Variants in UBR3 observed in about 807,000 individuals in gnomAD.
UBR3 encodes ubiquitin protein ligase E3 component n-recognin 3.
Under a neutral mutation model 243.2 loss-of-function variants are expected in UBR3, and 85 were observed. That is an observed-to-expected ratio of 0.35 (90% CI 0.29 to 0.42). The LOEUF is 0.42. UBR3 is among the 10% of genes least tolerant of loss of function. The pLI is 1.00. For synonymous variants in UBR3, 748 were observed against 799.8 expected, an observed-to-expected ratio of 0.94 and a Z score of 1.09; for missense variants, 1,686 against 2,300.8, an observed-to-expected ratio of 0.73 and a Z score of 5.47.
intron 11 of UBR3, among the ~76,000 whole-genome samples, chr2:169,914,438 G>A (rs2085374457): frequency 6.6e-6 from 1 of 152,064 alleles, no homozygotes; most frequent in African/African-American, 2.4e-5. Context: ...TATTTCTCAG[G>A]GTGAAATAGT....
chr2:169,889,235 T>C (rs918821460), intron 5 of UBR3, among the ~76,000 whole-genome samples: 1 of 152,214 alleles, frequency 6.6e-6, no homozygotes, highest in Admixed American at 6.5e-5. Flanking sequence ...CTGTATTCTC[T>C]TCTTGGCATG....
intron 19 of UBR3, among the ~76,000 whole-genome samples, chr2:169,937,717 T>TC (rs1283295524): frequency 1.3e-5 from 2 of 152,180 alleles, no homozygotes; most frequent in Non-Finnish European, 2.9e-5. Context: ...TTAGAGGCAT[T>TC]CCCCAGATGT....
At chr2:170,043,073 G>A (rs945488855) in intron 32 of UBR3, among the ~76,000 whole-genome samples, 10 of 151,906 alleles carry the variant, frequency 6.6e-5, no homozygotes, top group South Asian at 2.1e-4. Context: ...GTAGTATTAC[G>A]TTTTGAAATA....
chr2:170,045,735 T>A (rs2091068277), intron 32 of UBR3, among the ~76,000 whole-genome samples: 1 of 152,148 alleles, frequency 6.6e-6, no homozygotes, highest in South Asian at 2.1e-4. Flanking sequence ...CCAGTCTTGT[T>A]TCATTTATAC....
chr2:170,046,559 T>C (rs1388051333), intron 32 of UBR3, among the ~76,000 whole-genome samples: 1 of 152,216 alleles, frequency 6.6e-6, no homozygotes, highest in East Asian at 1.9e-4. Flanking sequence ...TATTTCTTTT[T>C]ACAAAAATAC....
In UBR3 at chr2:169,827,750, C is replaced by T. The variant is rs921135234; in HGVS notation, c.243C>T (p.Gly81=). Reference sequence around the variant, plus strand: ...ACGCGGCGGCGGCCGGAGGCGGGGGCGGTCCGGGGGCGGCCGAGGAGGAGG... The same window carrying T: ...ACGCGGCGGCGGCCGGAGGCGGGGGTGGTCCGGGGGCGGCCGAGGAGGAGG... ...GEDAAAAGGG[G]GPGAAEEEAL... Residue 81 remains glycine (G), a synonymous_variant, in exon 1 of 39, where the codon GGC becomes GGT. Coordinates refer to ENST00000272793, the MANE Select transcript of UBR3 (RefSeq NM_172070.4). The T allele has an allele frequency of 7.9e-5, 99 of 1,246,714 alleles. No individual in the cohort carries two copies. The highest frequency in any genetic ancestry group is 9.6e-5 in the Non-Finnish European group (96 of 997,718). 77.2% of individuals were successfully genotyped at this position (1,246,714 alleles called of 1,614,324 possible).
At chr2:169,881,877 A>AC (rs1375135334) in intron 5 of UBR3, among the ~76,000 whole-genome samples, 2 of 133,840 alleles carry the variant, frequency 1.5e-5, no homozygotes, top group Admixed American at 1.6e-4. Context: ...GTATACATAT[A>AC]GGTATATGTG....
intron 11 of UBR3, among the ~76,000 whole-genome samples, chr2:169,919,749 A>G (rs1258025668): frequency 3.3e-5 from 5 of 152,184 alleles, no homozygotes; most frequent in Non-Finnish European, 7.4e-5. Context: ...GCAAATCAAA[A>G]CCACAATTAG....
chr2:169,964,559 G>C, intron 24 of UBR3: 2 of 418,488 alleles, frequency 4.8e-6, no homozygotes, highest in South Asian at 3.7e-5. Context: ...CTGGCTTTAA[G>C]GGAAATGGGA....
intron 35 of UBR3, among the ~76,000 whole-genome samples, chr2:170,067,248 A>G (rs1280390612): frequency 6.6e-6 from 1 of 152,166 alleles, no homozygotes; most frequent in African/African-American, 2.4e-5. Context: ...TACCATTGGC[A>G]GTTCCCATCT....
chr2:169,963,495 T>G (rs2105370742), intron 24 of UBR3, among the ~76,000 whole-genome samples: 1 of 152,284 alleles, frequency 6.6e-6, no homozygotes, highest in East Asian at 1.9e-4. Context: ...TTCTTCATTT[T>G]TTTTTCTATC....
chr2:169,875,737 A>C, intron 2 of UBR3, 54 bp from the exon 3 acceptor site: 1 of 1,384,642 alleles, frequency 7.2e-7, no homozygotes, highest in Admixed American at 2.9e-5. Flanking sequence ...ATTTTTAGTA[A>C]GATATTTTAA....
At chr2:169,837,074 A>C (rs2105280757) in intron 1 of UBR3, among the ~76,000 whole-genome samples, 1 of 152,322 alleles carries the variant, frequency 6.6e-6, no homozygotes, top group South Asian at 2.1e-4. Context: ...TTTTCTACTG[A>C]AAGATTTAAG....
chr2:169,922,278 CCTGT>C (rs1236752275), intron 11 of UBR3, among the ~76,000 whole-genome samples: 17 of 148,088 alleles, frequency 1.1e-4, no homozygotes, highest in Admixed American at 5.4e-4. Flanking sequence ...AGAGTGAGAC[CCTGT>C]CTATTTAAAA....
intron 1 of UBR3, among the ~76,000 whole-genome samples, chr2:169,848,905 A>G (rs2082571423): frequency 6.6e-6 from 1 of 152,194 alleles, no homozygotes; most frequent in South Asian, 2.1e-4. Flanking sequence ...AAAGACAAAC[A>G]CACACAATCC....
intron 35 of UBR3, among the ~76,000 whole-genome samples, chr2:170,072,663 C>T (rs2091725604): frequency 6.6e-6 from 1 of 151,896 alleles, no homozygotes; most frequent in Non-Finnish European, 1.5e-5. Flanking sequence ...CTGAATGGAG[C>T]TGAGTGGTCT....
At chr2:170,063,491 C>G (rs1050868197) in intron 35 of UBR3, among the ~76,000 whole-genome samples, 1 of 151,936 alleles carries the variant, frequency 6.6e-6, no homozygotes, top group Non-Finnish European at 1.5e-5. Flanking sequence ...CAGTAGTACC[C>G]CCTTATCTGC....
In UBR3 at chr2:169,866,605, C is replaced by T. The variant is rs180679411; in HGVS notation, c.546-5631C>T. Among the ~76,000 whole-genome samples the T allele has an allele frequency of 3.3e-5, 5 of 152,272 alleles. No individual in the cohort carries two copies. The East Asian group carries it at 5.8e-4, about 18-fold the overall frequency. On this transcript the variant is annotated intron_variant, in intron 1 of 38. Transcript: ENST00000272793. ...CTTGAACTCCTGATCTCAAGTGATT[C>T]GCCCACCTCGGCCCCCCAAAGTACT...
intron 1 of UBR3, among the ~76,000 whole-genome samples, chr2:169,828,934 A>G (rs1338784833): frequency 6.6e-6 from 1 of 152,192 alleles, no homozygotes; most frequent in Non-Finnish European, 1.5e-5. Context: ...TGAGTTACAG[A>G]GAGTTGGTAC....
Sources: gnomAD v4.1 joint callset for allele counts (sites outside exome capture counted in the v4.1 genomes callset) on GRCh38, gnomAD v4.1.1 for gene constraint, MANE v1.5 for transcripts, NCBI Gene and HGNC (gene_info 2026-07-23, HGNC 2026-07-21) for gene names.